DNAH11: variants seen among roughly 807,000 people sequenced by gnomAD.
The protein encoded by DNAH11 is axonemal beta dynein heavy chain 11.
A neutral mutation model predicts 526.0 loss-of-function variants in DNAH11; 442 were observed. The observed-to-expected ratio is 0.84, with a 90% CI of 0.78 to 0.91. DNAH11 has a LOEUF of 0.91. DNAH11 is among the 40% of genes least tolerant of loss of function. The pLI is 0.00. For missense variants in DNAH11, 6,989 were observed against 5,448.7 expected (o/e 1.28, Z -8.90); for synonymous variants, 2,461 against 1,935.9 (o/e 1.27, Z -7.12).
In DNAH11 at chr7:21,801,185, A is replaced by C. The variant is rs754609932; in HGVS notation, c.10075A>C (p.Thr3359Pro). The C allele has an allele frequency of 3.1e-6, 5 of 1,613,032 alleles. No individual in the cohort carries two copies. Among genetic ancestry groups the C allele is most frequent in the Non-Finnish European group, 2.5e-6 (3 of 1,179,476 alleles). Residue 3359 changes from threonine (T) to proline (P), a missense_variant, in exon 62 of 82, where the codon ACA becomes CCA. Physicochemically the swap from Thr to Pro is conservative, Grantham distance 38. Coordinates refer to ENST00000409508, the MANE Select transcript of DNAH11 (RefSeq NM_001277115.2). ...SRLTASFEKATAEKVRCQEEV... is the reference protein window; with the variant it reads ...SRLTASFEKAPAEKVRCQEEV... ...ACTCACGGCTTCATTTGAAAAAGCA[A>C]CAGCTGAGAAAGTCCGGTGTCAAGA...
At chr7:21,670,931 C>T (rs1034709599) in intron 30 of DNAH11, among the ~76,000 whole-genome samples, 7 of 151,774 alleles carry the variant, frequency 4.6e-5, no homozygotes, top group African/African-American at 1.7e-4. Flanking sequence ...ATTTTGTTAA[C>T]AAATTCTACA....
At chr7:21,735,944 G>T in intron 46 of DNAH11, 100 bp downstream of exon 46, 1 of 1,134,208 alleles carries the variant, frequency 8.8e-7, no homozygotes, top group Non-Finnish European at 1.2e-6. Context: ...CTAGAATTTA[G>T]AGTTGTTGCT....
intron 53 of DNAH11, 34 bp from the exon 54 acceptor site, chr7:21,750,188 A>G: frequency 1.2e-5 from 19 of 1,542,766 alleles, no homozygotes; most frequent in Non-Finnish European, 1.7e-5. Context: ...AATTGCAATG[A>G]TCTTTTAGTA....
At chr7:21,816,012 C>G (rs1000617909) in intron 63 of DNAH11, among the ~76,000 whole-genome samples, 3 of 151,978 alleles carry the variant, frequency 2.0e-5, no homozygotes, top group Non-Finnish European at 4.4e-5. Context: ...TTAATCCATC[C>G]CAGAGAGATA....
At chr7:21,749,528 G>A in intron 52 of DNAH11, 150 bp from the exon 53 acceptor site, 1 of 942,960 alleles carries the variant, frequency 1.1e-6, no homozygotes, top group Non-Finnish European at 1.5e-6. Context: ...CTAGAATGGG[G>A]TCTCTCAGAG....
rs766001764 is a variant in DNAH11, at chr7:21,872,913, A to G, written c.11968-361A>G. Among the ~76,000 whole-genome samples, 7 of 152,314 alleles carry G rather than the reference A, an allele frequency of 4.6e-5. No homozygotes were observed. In the South Asian group the frequency reaches 6.2e-4, roughly 14 times the overall value. On this transcript the variant is annotated intron_variant, in intron 73 of 81. Transcript: ENST00000409508. ...TTCATATTTTCTCAAACTAACCCCA[A>G]TATGTCTCAGTAATTGTATTTGAAC...
intron 9 of DNAH11, among the ~76,000 whole-genome samples, chr7:21,585,280 G>T (rs1784444506): frequency 6.6e-6 from 1 of 152,136 alleles, no homozygotes; most frequent in Non-Finnish European, 1.5e-5. Flanking sequence ...GTGACTGGTA[G>T]TTCAAGTAAT....
At chr7:21,691,399 A>C (rs1164196349) in intron 35 of DNAH11, among the ~76,000 whole-genome samples, 1 of 151,556 alleles carries the variant, frequency 6.6e-6, no homozygotes, top group Non-Finnish European at 1.5e-5. Context: ...CTGTCCTCCC[A>C]GCCTGGTCCC....
intron 40 of DNAH11, among the ~76,000 whole-genome samples, chr7:21,709,722 A>C (rs1025374060): frequency 7.9e-5 from 12 of 152,190 alleles, no homozygotes; most frequent in African/African-American, 1.9e-4. Flanking sequence ...GAACTATGGC[A>C]GGGAGAGAAT....
chr7:21,787,681 A>G, intron 60 of DNAH11, 98 bp downstream of exon 60: 3 of 1,090,396 alleles, frequency 2.8e-6, no homozygotes, highest in Non-Finnish European at 3.8e-6. Flanking sequence ...TTGTTATTTC[A>G]TTTTCTGAAT....
At chr7:21,652,734 C>T (rs1583564899) in intron 28 of DNAH11, among the ~76,000 whole-genome samples, 1 of 152,212 alleles carries the variant, frequency 6.6e-6, no homozygotes, top group East Asian at 1.9e-4. Flanking sequence ...TACCTGTATT[C>T]AATTTTTGTA....
chr7:21,559,050 CA>C (rs1783336433), intron 3 of DNAH11, 52 bp downstream of exon 3: 1 of 1,464,478 alleles, frequency 6.8e-7, no homozygotes. Context: ...GCCAGGCCAG[CA>C]CGGTGGCTCA....
At chr7:21,621,006 A>G (rs1786025886) in intron 25 of DNAH11, among the ~76,000 whole-genome samples, 1 of 151,972 alleles carries the variant, frequency 6.6e-6, no homozygotes, top group African/African-American at 2.4e-5. Context: ...GCTGTTGTGA[A>G]TAGTGCCACA....
At chr7:21,648,364 A>G (rs903669492) in intron 28 of DNAH11, among the ~76,000 whole-genome samples, 4 of 152,222 alleles carry the variant, frequency 2.6e-5, no homozygotes, top group Non-Finnish European at 4.4e-5. Context: ...TTGGGTTGCC[A>G]TATGACTTGT....
chr7:21,594,140 A>G (rs1378498199), intron 14 of DNAH11, among the ~76,000 whole-genome samples: 1 of 151,596 alleles, frequency 6.6e-6, no homozygotes, highest in East Asian at 1.9e-4. Flanking sequence ...GGGTAGGGAA[A>G]GTGTCCTTGG....
chr7:21,726,409 C>T (rs1433410972), intron 45 of DNAH11, among the ~76,000 whole-genome samples: 4 of 152,026 alleles, frequency 2.6e-5, no homozygotes, highest in Non-Finnish European at 2.9e-5. Flanking sequence ...GTCATAGATC[C>T]AAACCATATC....
At position 21,901,057 on chromosome 7, in the gene DNAH11, G is replaced by A. The variant is rs745320943; in HGVS notation, c.13354G>A (p.Glu4452Lys). 8 of 1,613,612 alleles carry A rather than the reference G, an allele frequency of 5.0e-6. No individual in the cohort carries two copies. The Middle Eastern group carries it at 1.2e-3, about 233-fold the overall frequency. ...AGTIVEARLKELACPMPVIFA... is the reference protein window; with the variant it reads ...AGTIVEARLKKLACPMPVIFA... ...AACCATTGTTGAAGCCCGTCTCAAG[G>A]AGCTGGCATGCCCTATGCCGGTCAT... The change falls in exon 82 of 82, where the codon GAG becomes AAG. Residue 4452 changes from glutamate (E) to lysine (K), a missense_variant. Coordinates refer to ENST00000409508, the MANE Select transcript of DNAH11 (RefSeq NM_001277115.2).
At chr7:21,661,006 C>G (rs17748500) in intron 30 of DNAH11, among the ~76,000 whole-genome samples, 1 of 152,072 alleles carries the variant, frequency 6.6e-6, no homozygotes, top group East Asian at 1.9e-4. Flanking sequence ...TGTCTAACTT[C>G]TTATCAGGCA....
chr7:21,845,013 A>T (rs1405247830), intron 66 of DNAH11, among the ~76,000 whole-genome samples: 4 of 152,210 alleles, frequency 2.6e-5, no homozygotes, highest in African/African-American at 9.7e-5. Context: ...GCCAAGCTGG[A>T]TCAGGGACCG....
Sources: allele counts gnomAD v4.1 joint callset (sites outside exome capture counted in the v4.1 genomes callset), GRCh38; gene constraint gnomAD v4.1.1; transcripts MANE v1.5; gene names NCBI Gene and HGNC (gene_info 2026-07-23, HGNC 2026-07-21).